UNC5D: variants seen among roughly 807,000 people sequenced by gnomAD.
UNC5D encodes the protein unc-5 netrin receptor D.
Under a neutral mutation model 105.4 loss-of-function variants are expected in UNC5D, and 39 were observed. The ratio of observed to expected loss-of-function variants is 0.37; its 90% confidence interval spans 0.29 to 0.48. The LOEUF (loss-of-function observed/expected upper bound fraction) is 0.48, where lower values mean the gene tolerates loss of function less well. UNC5D is among the 20% of genes least tolerant of loss of function. UNC5D has a pLI of 0.98. For synonymous variants in UNC5D, 452 were observed against 450.4 expected, an observed-to-expected ratio of 1.00 and a Z score of -0.04; for missense variants, 991 against 1,202.4, an observed-to-expected ratio of 0.82 and a Z score of 2.60.
At chr8:35,771,342 T>G (rs560491741) in intron 15 of UNC5D, among the ~76,000 whole-genome samples, 1 of 152,164 alleles carries the variant, frequency 6.6e-6, no homozygotes, top group African/African-American at 2.4e-5. Flanking sequence ...GCATGGACAC[T>G]TCCAATGTTT....
At chr8:35,540,089 G>A (rs1815157284) in intron 1 of UNC5D, among the ~76,000 whole-genome samples, 1 of 152,152 alleles carries the variant, frequency 6.6e-6, no homozygotes, top group South Asian at 2.1e-4. Flanking sequence ...CAAATGAAAA[G>A]CGATAACACT....
At chr8:35,556,382 T>A (rs1025765455) in intron 2 of UNC5D, among the ~76,000 whole-genome samples, 6 of 152,166 alleles carry the variant, frequency 3.9e-5, no homozygotes, top group Non-Finnish European at 7.3e-5. Context: ...GGTCGCATTG[T>A]GTGTCTATGT....
chr8:35,643,111 T>G (rs1431771440), intron 4 of UNC5D, among the ~76,000 whole-genome samples: 1 of 152,098 alleles, frequency 6.6e-6, no homozygotes, highest in African/African-American at 2.4e-5. Context: ...TGTTGGCATT[T>G]TGGTCCAGAG....
At position 35,749,989 on chromosome 8, in the gene UNC5D, T is replaced by TAAA. The variant is rs11380512; in HGVS notation, c.1936-583_1936-581dup. ...TTTAAAGAGTTGTCAGAAATAGTTG[T>TAAA]AAAAAAAAAAAAGTTTGCTTATTGA... On this transcript the variant is annotated intron_variant, in intron 12 of 16. Transcript: ENST00000404895. Among the ~76,000 whole-genome samples, 4 of 136,928 alleles carry TAAA rather than the reference T, an allele frequency of 2.9e-5. 1 individual carries two copies. Among genetic ancestry groups the TAAA allele is most frequent in the African/African-American group, 1.3e-4 (4 of 29,916 alleles). The allele number at this position is 136,928 out of a possible 152,430, so 89.8% of individuals were successfully genotyped here. A position where few individuals can be genotyped will look rare whatever the true frequency, so the allele number is the denominator to read the frequency against.
chr8:35,512,560 T>C (rs1489739437), intron 1 of UNC5D, among the ~76,000 whole-genome samples: 1 of 96,770 alleles, frequency 1.0e-5, no homozygotes, highest in Non-Finnish European at 2.0e-5. Context: ...TATATATATA[T>C]ATATATATAT....
chr8:35,383,106 A>C (rs925048210), intron 1 of UNC5D, among the ~76,000 whole-genome samples: 3 of 152,222 alleles, frequency 2.0e-5, no homozygotes, highest in African/African-American at 7.2e-5. Context: ...ATCACATTAA[A>C]GTAATTCAAT....
chr8:35,399,512 G>A (rs1476595228), intron 1 of UNC5D, among the ~76,000 whole-genome samples: 1 of 152,164 alleles, frequency 6.6e-6, no homozygotes, highest in Non-Finnish European at 1.5e-5. Flanking sequence ...CAACTTTCAA[G>A]CCACGTATTT....
At chr8:35,732,513 A>C (rs970274296) in intron 11 of UNC5D, among the ~76,000 whole-genome samples, 1 of 152,218 alleles carries the variant, frequency 6.6e-6, no homozygotes, top group Non-Finnish European at 1.5e-5. Flanking sequence ...TAGTCACTTA[A>C]GCAGACCTAA....
chr8:35,510,475 TCA>T (rs1238707841), intron 1 of UNC5D, among the ~76,000 whole-genome samples: 1 of 152,322 alleles, frequency 6.6e-6, no homozygotes, highest in East Asian at 1.9e-4. Context: ...GCACCTGTGA[TCA>T]GTTATCACCT....
At chr8:35,598,902 G>T (rs142647082) in intron 4 of UNC5D, among the ~76,000 whole-genome samples, 2,839 of 152,178 alleles carry the variant, frequency 0.019, 39 homozygotes, top group Admixed American at 0.047. Context: ...CAGCACTTTG[G>T]GAGGCCAAGG....
chr8:35,728,555 A>C (rs530503431), intron 10 of UNC5D, among the ~76,000 whole-genome samples: 19 of 152,342 alleles, frequency 1.2e-4, no homozygotes, highest in Admixed American at 1.0e-3. Context: ...CACTGGGAAT[A>C]AGTTTGATGT....
intron 1 of UNC5D, among the ~76,000 whole-genome samples, chr8:35,469,033 G>A (rs922280831): frequency 1.1e-4 from 17 of 152,090 alleles, no homozygotes; most frequent in African/African-American, 4.1e-4. Flanking sequence ...TGGAGAGGGT[G>A]GTAGCTGATA....
intron 1 of UNC5D, among the ~76,000 whole-genome samples, chr8:35,375,693 T>A (rs1054046453): frequency 6.6e-6 from 1 of 152,220 alleles, no homozygotes; most frequent in African/African-American, 2.4e-5. Context: ...TTTTCTTCTC[T>A]TATCCAAACT....
At chr8:35,561,581 G>C (rs1816970737) in intron 2 of UNC5D, among the ~76,000 whole-genome samples, 1 of 152,046 alleles carries the variant, frequency 6.6e-6, no homozygotes, top group South Asian at 2.1e-4. Context: ...AGCAAGTTTT[G>C]TGTTTTGGAT....
At chr8:35,362,802 G>C (rs1801923287) in intron 1 of UNC5D, among the ~76,000 whole-genome samples, 1 of 152,096 alleles carries the variant, frequency 6.6e-6, no homozygotes, top group Non-Finnish European at 1.5e-5. Context: ...TTGGCTGTAA[G>C]TTCTTCATCT....
intron 10 of UNC5D, among the ~76,000 whole-genome samples, chr8:35,728,655 G>A (rs141314826): frequency 1.2e-3 from 187 of 152,252 alleles, no homozygotes; most frequent in African/African-American, 4.2e-3. Flanking sequence ...TATAAAGAAA[G>A]CAAGGCACTG....
chr8:35,555,013 C>T (rs6995309), intron 2 of UNC5D, among the ~76,000 whole-genome samples: 1 of 152,006 alleles, frequency 6.6e-6, no homozygotes, highest in Non-Finnish European at 1.5e-5. Flanking sequence ...GAATGTTGCT[C>T]TGCTGGTAAT....
intron 1 of UNC5D, among the ~76,000 whole-genome samples, chr8:35,408,460 T>C (rs1036431136): frequency 6.6e-6 from 1 of 150,598 alleles, no homozygotes; most frequent in African/African-American, 2.4e-5. Flanking sequence ...GAACCTCCTT[T>C]CTGTGTGTAC....
chr8:35,267,114 G>A (rs1043385592), intron 1 of UNC5D, among the ~76,000 whole-genome samples: 3 of 145,658 alleles, frequency 2.1e-5, no homozygotes, highest in Non-Finnish European at 4.5e-5. Flanking sequence ...GAGCCGTTAA[G>A]GGAAAGTTAA....
Sources: allele counts gnomAD v4.1 joint callset (sites outside exome capture counted in the v4.1 genomes callset), GRCh38; gene constraint gnomAD v4.1.1; transcripts MANE v1.5; gene names NCBI Gene and HGNC (gene_info 2026-07-23, HGNC 2026-07-21).